The following RANBP2 variants were observed in gnomAD, a reference collection of about 807,000 sequenced individuals.
RANBP2 encodes E3 SUMO-protein ligase RanBP2.
RANBP2 carries 57 observed loss-of-function variants against 303.6 expected under a neutral mutation model. The observed-to-expected ratio is 0.19, with a 90% CI of 0.15 to 0.23. RANBP2 has a LOEUF of 0.23. Ranked by LOEUF, RANBP2 falls within the 10% of genes least tolerant of loss-of-function variation. RANBP2 has a pLI of 1.00. For missense variants in RANBP2, 3,138 were observed against 3,780.8 expected, an observed-to-expected ratio of 0.83 and a Z score of 4.46; for synonymous variants, 1,167 against 1,301.5, an observed-to-expected ratio of 0.90 and a Z score of 2.23.
intron 23 of RANBP2, 75 bp downstream of exon 23, chr2:108,773,121 A>C: frequency 7.0e-7 from 1 of 1,437,958 alleles, no homozygotes; most frequent in Non-Finnish European, 9.6e-7. Flanking sequence ...GAATGTTCTT[A>C]TTTATTTATT....
At chr2:109,211,869 T>C in the RANBP2 span, among the ~76,000 whole-genome samples, 2 of 152,162 alleles carry the variant, frequency 1.3e-5, no homozygotes, top group Non-Finnish European at 2.9e-5. Flanking sequence ...TTTCAAACTC[T>C]GGACCACAGG....
the RANBP2 span, among the ~76,000 whole-genome samples, chr2:109,049,268 G>A: frequency 6.6e-6 from 1 of 152,218 alleles, no homozygotes; most frequent in Non-Finnish European, 1.5e-5. Context: ...TGAATTAAGA[G>A]AAGGCCAAGG....
the RANBP2 span, among the ~76,000 whole-genome samples, chr2:109,437,682 A>C: frequency 2.0e-5 from 3 of 151,434 alleles, no homozygotes; most frequent in Non-Finnish European, 4.4e-5. Context: ...AGGAGGAATG[A>C]CAGCTGTTGA....
chr2:109,514,830 C>T, the RANBP2 span, among the ~76,000 whole-genome samples: 1 of 152,146 alleles, frequency 6.6e-6, no homozygotes, highest in African/African-American at 2.4e-5. Flanking sequence ...CCCCCCAGGC[C>T]CTGGGCACGG....
chr2:108,886,128 G>A, the RANBP2 span, among the ~76,000 whole-genome samples: 13,425 of 152,208 alleles, frequency 0.088, 818 homozygotes, highest in African/African-American at 0.16. Context: ...TAGATACCCA[G>A]TAGAGGGATT....
the RANBP2 span, among the ~76,000 whole-genome samples, chr2:109,676,023 C>T: frequency 6.6e-6 from 1 of 152,236 alleles, no homozygotes; most frequent in Non-Finnish European, 1.5e-5. Flanking sequence ...GCTGTCCACA[C>T]GTTCATTCCT....
At chr2:109,556,584 C>T in the RANBP2 span, among the ~76,000 whole-genome samples, 6,882 of 152,092 alleles carry the variant, frequency 0.045, 479 homozygotes, top group African/African-American at 0.15. Context: ...GTGCAAAATA[C>T]CCTAGACATC....
the RANBP2 span, among the ~76,000 whole-genome samples, chr2:109,688,594 C>T: frequency 1.3e-5 from 2 of 151,788 alleles, no homozygotes; most frequent in South Asian, 2.1e-4. Context: ...GGCCAACCAA[C>T]GTGGTGAAAC....
the RANBP2 span, among the ~76,000 whole-genome samples, chr2:109,369,340 T>C: frequency 6.6e-6 from 1 of 152,052 alleles, no homozygotes; most frequent in East Asian, 1.9e-4. Context: ...AGCACAAGAC[T>C]CCGTCTAAAA....
chr2:109,424,010 G>A, the RANBP2 span, among the ~76,000 whole-genome samples: 146 of 152,344 alleles, frequency 9.6e-4, 1 homozygote, highest in East Asian at 0.016. Flanking sequence ...GGCCGCTGCA[G>A]GGCCGGTTGC....
chr2:109,680,116 C>T, the RANBP2 span, among the ~76,000 whole-genome samples: 1 of 150,732 alleles, frequency 6.6e-6, no homozygotes, highest in African/African-American at 2.4e-5. Context: ...GAGGCTGAGG[C>T]AGGCAGATCA....
rs1676460595 is a variant in RANBP2, at chr2:108,758,193, G to A, written c.2467-220G>A. Among the ~76,000 whole-genome samples, 3 of 151,796 alleles carry A rather than the reference G, an allele frequency of 2.0e-5. No homozygotes were observed. The South Asian group carries it at 6.2e-4, about 31-fold the overall frequency. ...ACGCCTGTAATCCGAGCTACTCAGG[G>A]CGCTGAAGTGGGAGAATTGCTTGAG... On this transcript the variant is annotated intron_variant, in intron 17 of 28. Coordinates refer to ENST00000283195, the MANE Select transcript of RANBP2 (RefSeq NM_006267.5).
the RANBP2 span, among the ~76,000 whole-genome samples, chr2:108,915,324 G>T: frequency 6.6e-6 from 1 of 152,168 alleles, no homozygotes; most frequent in Non-Finnish European, 1.5e-5. Flanking sequence ...TGCTCTAAAT[G>T]GAGCAGGGCC....
chr2:109,252,119 C>T, the RANBP2 span, among the ~76,000 whole-genome samples: 1 of 151,888 alleles, frequency 6.6e-6, no homozygotes, highest in Non-Finnish European at 1.5e-5. Flanking sequence ...TGTCACAGGC[C>T]TATAGTCTCA....
the RANBP2 span, chr2:109,585,410 C>T: frequency 9.1e-7 from 1 of 1,100,594 alleles, no homozygotes; most frequent in Non-Finnish European, 1.3e-6. Context: ...TCAAAGATCC[C>T]AAATATTTCA....
At chr2:108,959,662 C>T in the RANBP2 span, among the ~76,000 whole-genome samples, 1 of 152,178 alleles carries the variant, frequency 6.6e-6, no homozygotes, top group African/African-American at 2.4e-5. Context: ...TGGGACTCAG[C>T]TCTGGATGCC....
chr2:109,522,736 C>T, the RANBP2 span, among the ~76,000 whole-genome samples: 5 of 152,152 alleles, frequency 3.3e-5, no homozygotes, highest in Admixed American at 2.0e-4. Flanking sequence ...CAGCATCTCC[C>T]ACAAGCTTCC....
the RANBP2 span, among the ~76,000 whole-genome samples, chr2:109,029,071 C>T: frequency 6.6e-6 from 1 of 152,064 alleles, no homozygotes. Flanking sequence ...AGGCGTGAGG[C>T]ACTGTGCCCG....
chr2:109,291,215 AT>A, the RANBP2 span, among the ~76,000 whole-genome samples: 150 of 152,114 alleles, frequency 9.9e-4, no homozygotes, highest in African/African-American at 3.4e-3. Context: ...CTGTCAGGAT[AT>A]TATGGAGAAA....
Sources: allele counts gnomAD v4.1 joint callset (sites outside exome capture counted in the v4.1 genomes callset), GRCh38; gene constraint gnomAD v4.1.1; transcripts MANE v1.5; gene names NCBI Gene and HGNC (gene_info 2026-07-23, HGNC 2026-07-21).